GRB14: variants seen among roughly 807,000 people sequenced by gnomAD.
GRB14 encodes growth factor receptor-bound protein 14.
A neutral mutation model predicts 69.1 loss-of-function variants in GRB14; 38 were observed. The observed-to-expected ratio is 0.55, with a 90% CI of 0.42 to 0.72. GRB14 has a LOEUF of 0.72. Among genes scored for constraint, GRB14 ranks in the 30% least tolerant of loss-of-function variants. GRB14 has a pLI of 0.00. For synonymous variants in GRB14, 247 were observed against 241.3 expected, an observed-to-expected ratio of 1.02 and a Z score of -0.22; for missense variants, 666 against 666.1, an observed-to-expected ratio of 1.00 and a Z score of 0.00.
intron 2 of GRB14, among the ~76,000 whole-genome samples, chr2:164,599,048 C>T (rs562722284): frequency 1.4e-4 from 22 of 152,294 alleles, no homozygotes; most frequent in Admixed American, 4.6e-4. Flanking sequence ...CTAAAAGGCA[C>T]GCAGCTGGTG....
intron 2 of GRB14, among the ~76,000 whole-genome samples, chr2:164,616,359 G>C (rs1434249582): frequency 1.5e-5 from 2 of 137,024 alleles, no homozygotes. Flanking sequence ...CCAGGAGGCA[G>C]AGCTTGCAGT....
In GRB14 at chr2:164,616,404, C is replaced by T. The variant is rs369257402; in HGVS notation, c.324+3283G>A. ...TTGTGCCACTGCACTCCAGCCTGGG[C>T]GACAGAGCGAGACTCCGTCTCAAAA... On this transcript the variant is annotated intron_variant, in intron 2 of 13. Coordinates refer to ENST00000263915, the MANE Select transcript of GRB14 (RefSeq NM_004490.3). Among the ~76,000 whole-genome samples, 158 of 118,202 alleles carry T rather than the reference C, an allele frequency of 1.3e-3. 1 individual carries two copies. In the East Asian group the frequency reaches 0.029, roughly 22 times the overall value. 77.5% of individuals were successfully genotyped at this position (118,202 alleles called of 152,430 possible). A position where few individuals can be genotyped will look rare whatever the true frequency, so the allele number is the denominator to read the frequency against.
chr2:164,535,512 C>T lies in GRB14; in HGVS notation c.482-8377G>A, dbSNP rs183064611. ...TTCTCTCACTTGATAAGAGAAGAAA[C>T]AAAAGTGGCTTTTACCTCTAATTCG... On this transcript the variant is annotated intron_variant, in intron 3 of 13. Transcript: ENST00000263915. 9.6e-3 allele frequency among the ~76,000 whole-genome samples: 1,465 copies of T among 152,228 alleles called. 15 individuals carry two copies. Among genetic ancestry groups the T allele is most frequent in the Non-Finnish European group, 0.015 (1,033 of 67,992 alleles).
chr2:164,586,876 G>A (rs1689551596), intron 2 of GRB14, among the ~76,000 whole-genome samples: 1 of 152,098 alleles, frequency 6.6e-6, no homozygotes, highest in Admixed American at 6.6e-5. Context: ...GATGTTAGAG[G>A]TTAACTTGCT....
intron 6 of GRB14, among the ~76,000 whole-genome samples, chr2:164,516,106 A>C (rs1687478172): frequency 6.6e-6 from 1 of 152,066 alleles, no homozygotes; most frequent in Non-Finnish European, 1.5e-5. Flanking sequence ...GGTGTTCCCG[A>C]GGAAGAAAAG....
At chr2:164,544,399 A>G (rs576140275) in intron 3 of GRB14, among the ~76,000 whole-genome samples, 6 of 152,174 alleles carry the variant, frequency 3.9e-5, no homozygotes, top group South Asian at 2.1e-4. Context: ...GGTAGTGACT[A>G]TAACAAAAAA....
chr2:164,509,884 A>G (rs947826502), intron 6 of GRB14, among the ~76,000 whole-genome samples: 2 of 151,886 alleles, frequency 1.3e-5, no homozygotes, highest in African/African-American at 4.8e-5. Context: ...AGAATCTTTC[A>G]TTGTCATTTA....
At chr2:164,599,825 A>G (rs1689873200) in intron 2 of GRB14, among the ~76,000 whole-genome samples, 1 of 152,214 alleles carries the variant, frequency 6.6e-6, no homozygotes, top group East Asian at 1.9e-4. Flanking sequence ...ATTTATAATC[A>G]ACTAGCACTT....
At chr2:164,527,202 T>C in intron 3 of GRB14, 67 bp from the exon 4 acceptor site, 2 of 254,894 alleles carry the variant, frequency 7.8e-6, no homozygotes, top group Non-Finnish European at 1.4e-5. Context: ...TATATATATA[T>C]ATATATATAT....
rs140790182 is a variant in GRB14, at chr2:164,565,948, C to A, written c.325-18132G>T. 1.6e-3 allele frequency among the ~76,000 whole-genome samples: 244 copies of A among 152,318 alleles called. 2 individuals carry two copies. Among genetic ancestry groups the A allele is most frequent in the African/African-American group, 5.5e-3 (229 of 41,590 alleles). On this transcript the variant is annotated intron_variant, in intron 2 of 13. Coordinates refer to ENST00000263915, the MANE Select transcript of GRB14 (RefSeq NM_004490.3). ...CACTTACAGCCACTTGGATCAGACA[C>A]ACTACCTGATAAGAAAATTACTCCC...
chr2:164,508,393 A>G, intron 8 of GRB14, 62 bp downstream of exon 8: 2 of 1,326,468 alleles, frequency 1.5e-6, no homozygotes, highest in East Asian at 2.3e-5. Flanking sequence ...AAATACAGAT[A>G]TTTTCTAACT....
intron 2 of GRB14, among the ~76,000 whole-genome samples, chr2:164,585,956 T>TA (rs764668283): frequency 1.3e-5 from 2 of 152,242 alleles, no homozygotes; most frequent in Non-Finnish European, 2.9e-5. Context: ...GAAGTACTGT[T>TA]AGACCTTAGT....
intron 2 of GRB14, among the ~76,000 whole-genome samples, chr2:164,613,562 C>T (rs1690215452): frequency 1.3e-5 from 2 of 152,166 alleles, no homozygotes; most frequent in African/African-American, 4.8e-5. Context: ...GAAATCAGGG[C>T]AAGCAACACT....
At chr2:164,540,692 G>C (rs1688211835) in intron 3 of GRB14, among the ~76,000 whole-genome samples, 1 of 152,128 alleles carries the variant, frequency 6.6e-6, no homozygotes, top group Non-Finnish European at 1.5e-5. Flanking sequence ...TCCCTCCCCA[G>C]AGCTTATCAT....
At chr2:164,561,689 C>T (rs1235283252) in intron 2 of GRB14, among the ~76,000 whole-genome samples, 1 of 152,154 alleles carries the variant, frequency 6.6e-6, no homozygotes, top group Non-Finnish European at 1.5e-5. Context: ...CATTTATGAG[C>T]GAGGTGCTTT....
chr2:164,506,584 C>T (rs1023283951), intron 8 of GRB14, among the ~76,000 whole-genome samples: 1 of 152,084 alleles, frequency 6.6e-6, no homozygotes, highest in African/African-American at 2.4e-5. Context: ...AATTACCATA[C>T]AATAAGCAAT....
chr2:164,591,832 A>G (rs1041810848), intron 2 of GRB14, among the ~76,000 whole-genome samples: 3 of 152,028 alleles, frequency 2.0e-5, no homozygotes, highest in Non-Finnish European at 4.4e-5. Flanking sequence ...CCCAAATCTC[A>G]TCTTGAATTG....
chr2:164,539,285 G>A (rs934270754), intron 3 of GRB14, among the ~76,000 whole-genome samples: 1 of 152,046 alleles, frequency 6.6e-6, no homozygotes, highest in Admixed American at 6.5e-5. Flanking sequence ...GACCAGCCTA[G>A]CCAACATAGT....
At chr2:164,513,456 A>T (rs540173510) in intron 6 of GRB14, among the ~76,000 whole-genome samples, 1 of 152,336 alleles carries the variant, frequency 6.6e-6, no homozygotes, top group South Asian at 2.1e-4. Flanking sequence ...GTTATAAGAG[A>T]CATACAGAGA....
Sources: gnomAD v4.1 joint callset for allele counts (sites outside exome capture counted in the v4.1 genomes callset) on GRCh38, gnomAD v4.1.1 for gene constraint, MANE v1.5 for transcripts, NCBI Gene and HGNC (gene_info 2026-07-23, HGNC 2026-07-21) for gene names.